ZBTB37: variants seen among roughly 807,000 people sequenced by gnomAD.
ZBTB37 encodes the protein zinc finger and BTB domain-containing protein 37.
Under a neutral mutation model 37.7 loss-of-function variants are expected in ZBTB37, and 15 were observed. The ratio of observed to expected loss-of-function variants is 0.40; its 90% CI spans 0.27 to 0.61. The LOEUF (loss-of-function observed/expected upper bound fraction) is 0.61, where lower values mean the gene tolerates loss of function less well. Ranked by LOEUF, ZBTB37 falls within the 20% of genes least tolerant of loss-of-function variation. The pLI is 0.44. For synonymous variants in ZBTB37, 231 were observed against 220.6 expected (o/e 1.05, Z -0.42); for missense variants, 514 against 641.9 (o/e 0.80, Z 2.15).
exon 4 of ZBTB37, chr1:173,901,256 A>C (rs770414216): frequency 6.6e-6 from 1 of 152,194 alleles, no homozygotes; most frequent in Admixed American, 6.5e-5. Context: ...CTATAGGCAA[A>C]AGAAATGTGT....
intron 1 of ZBTB37, 167 bp from the exon 2 acceptor site, chr1:173,868,758 G>T (rs1655242416): frequency 1.3e-5 from 2 of 152,768 alleles, no homozygotes; most frequent in African/African-American, 2.4e-5. Flanking sequence ...TCTCACCTGA[G>T]CGCTGGCTCC....
chr1:173,902,062 G>C (rs531382837), exon 4 of ZBTB37: 1 of 152,260 alleles, frequency 6.6e-6, no homozygotes, highest in East Asian at 1.9e-4. Context: ...TCACATCTTT[G>C]TATAGCTGTT....
chr1:173,882,793 A>G (rs1452248515), intron 4 of ZBTB37, among the ~76,000 whole-genome samples: 1 of 152,212 alleles, frequency 6.6e-6, no homozygotes, highest in East Asian at 1.9e-4. Context: ...AGCTTTCTAC[A>G]TAAGGCTAGC....
intron 4 of ZBTB37, among the ~76,000 whole-genome samples, chr1:173,884,502 A>G (rs937272524): frequency 3.9e-5 from 6 of 152,276 alleles, no homozygotes; most frequent in South Asian, 2.1e-4. Flanking sequence ...GAATATGTTC[A>G]TACTGCCTCC....
chr1:173,889,900 TAC>T (rs1557893252), downstream of ZBTB37: 1 of 152,246 alleles, frequency 6.6e-6, no homozygotes, highest in East Asian at 1.9e-4. Context: ...CAGTTCCCTC[TAC>T]ATCAGTGAAA....
exon 4 of ZBTB37, chr1:173,893,335 C>G (rs1325080762): frequency 2.6e-5 from 4 of 152,216 alleles, no homozygotes; most frequent in African/African-American, 7.2e-5. Context: ...GTTTCCTCTT[C>G]TATGAAATCA....
intron 4 of ZBTB37, among the ~76,000 whole-genome samples, chr1:173,878,092 T>TC (rs1290503495): frequency 6.6e-6 from 1 of 152,212 alleles, no homozygotes; most frequent in Non-Finnish European, 1.5e-5. Flanking sequence ...TATTTCTCTT[T>TC]CTGCATCTAA....
chr1:173,900,246 T>TA (rs1657205978), exon 4 of ZBTB37: 1 of 152,294 alleles, frequency 6.6e-6, no homozygotes, highest in East Asian at 1.9e-4. Context: ...ATGAACTAGT[T>TA]AAGGCTTAAG....
chr1:173,891,101 AC>A (rs1256547951), downstream of ZBTB37: 1 of 152,082 alleles, frequency 6.6e-6, no homozygotes, highest in African/African-American at 2.4e-5. Flanking sequence ...GATTCCCATT[AC>A]TTTAAAAGCA....
At chr1:173,891,052 CTTTTTGTGCTCCTTCATGATT>C (rs573070346), downstream of ZBTB37, 6 of 152,276 alleles carry the variant, frequency 3.9e-5, no homozygotes, top group African/African-American at 9.6e-5. Flanking sequence ...TATCATAACT[CTTTTTGTGCTCCTTCATGATT>C]TTTTTGTGCT....
chr1:173,895,302 C>G (rs1657002938), exon 4 of ZBTB37: 1 of 152,156 alleles, frequency 6.6e-6, no homozygotes, highest in African/African-American at 2.4e-5. Context: ...GGGATCTCAC[C>G]ATGTTGCCTG....
intron 4 of ZBTB37, among the ~76,000 whole-genome samples, chr1:173,876,386 T>TGGCTCACTGCAACCTC (rs1335718816): frequency 6.6e-6 from 1 of 152,142 alleles, no homozygotes; most frequent in Admixed American, 6.5e-5. Context: ...GGCGCAGCCT[T>TGGCTCACTGCAACCTC]GGCTCACTGC....
chr1:173,902,685 C>T (rs1657312273), exon 4 of ZBTB37: 1 of 152,138 alleles, frequency 6.6e-6, no homozygotes. Flanking sequence ...AAGTGTAAAC[C>T]TCCACCTCCC....
Position 173,873,379 on chromosome 1 carries a change from C to G in ZBTB37, c.924-88C>G. 2.2e-6 allele frequency: 3 copies of G among 1,372,604 alleles called. No individual in the cohort carries two copies. The East Asian group carries it at 7.3e-5, about 34-fold the overall frequency. The allele number at this position is 1,372,604 out of a possible 1,614,324, so 85.0% of individuals were successfully genotyped here. On this transcript the variant is annotated intron_variant, in intron 3 of 4. Transcript: ENST00000427304. ...CTTGGTTTGTTCCCCCTTCCTCAGC[C>G]ATAGAATAAAGAGGGGCGACATCAC...
At chr1:173,888,654 T>A (rs1021660492), downstream of ZBTB37, 14 of 152,112 alleles carry the variant, frequency 9.2e-5, no homozygotes, top group Non-Finnish European at 1.8e-4. Context: ...GGTCTTGAAC[T>A]CCTGGCCTCA....
At chr1:173,894,273 C>T (rs183485162) in exon 4 of ZBTB37, 2 of 152,246 alleles carry the variant, frequency 1.3e-5, no homozygotes, top group East Asian at 1.9e-4. Context: ...ATTTTAATTA[C>T]TTAAAATCAA....
chr1:173,886,007 C>T lies in ZBTB37; in HGVS notation c.1395C>T (p.Ser465=), dbSNP rs565338706. The change falls in exon 5 of 5, where the codon TCC becomes TCT. Residue 465 remains serine (S), a synonymous_variant. Coordinates refer to ENST00000427304, the Ensembl canonical transcript of ZBTB37. ...CCCTGGAGGGGCCTCACAGCATCTC[C>T]CCTGAAACAACTGTCACATCTCGAG... is the stretch of plus-strand genomic sequence containing the variant. 69 of 1,551,762 alleles carry T rather than the reference C, an allele frequency of 4.4e-5. 2 individuals carry two copies. In the East Asian group the frequency reaches 1.4e-3, roughly 31 times the overall value.
At chr1:173,871,778 G>A (rs983727964) in intron 3 of ZBTB37, among the ~76,000 whole-genome samples, 1 of 151,806 alleles carries the variant, frequency 6.6e-6, no homozygotes, top group African/African-American at 2.4e-5. Context: ...TTTCACCAGT[G>A]CTGCTATGCC....
chr1:173,873,135 C>T (rs952842367), intron 3 of ZBTB37, among the ~76,000 whole-genome samples: 6 of 151,924 alleles, frequency 3.9e-5, no homozygotes, highest in African/African-American at 9.7e-5. Flanking sequence ...CTGGTAATTA[C>T]GTAGAAGAAA....
Sources: gnomAD v4.1 joint callset for allele counts (sites outside exome capture counted in the v4.1 genomes callset) on GRCh38, gnomAD v4.1.1 for gene constraint, MANE v1.5 for transcripts, NCBI Gene and HGNC (gene_info 2026-07-23, HGNC 2026-07-21) for gene names.